RPS6KC1: variants seen among roughly 807,000 people sequenced by gnomAD.
RPS6KC1 encodes inactive ribosomal protein S6 kinase delta-1.
A neutral mutation model predicts 103.8 loss-of-function variants in RPS6KC1; 54 were observed. That is an observed-to-expected ratio of 0.52 (90% CI 0.42 to 0.65). RPS6KC1 has a LOEUF of 0.65. Among genes scored for constraint, RPS6KC1 ranks in the 30% least tolerant of loss-of-function variants. The probability of loss-of-function intolerance (pLI) is 0.00; values close to 1 mark genes in which losing one functional copy is unlikely to be tolerated. For synonymous variants in RPS6KC1, 439 were observed against 438.7 expected, an observed-to-expected ratio of 1.00 and a Z score of -0.01; for missense variants, 1,151 against 1,253.8, an observed-to-expected ratio of 0.92 and a Z score of 1.24.
chr1:213,317,792 C>T, the RPS6KC1 span, among the ~76,000 whole-genome samples: 6 of 152,322 alleles, frequency 3.9e-5, no homozygotes, highest in East Asian at 1.2e-3. Flanking sequence ...TAGAGTTGTG[C>T]CAGATGTGGT....
At chr1:213,056,024 C>T (rs950366370) in intron 1 of RPS6KC1, among the ~76,000 whole-genome samples, 3 of 152,146 alleles carry the variant, frequency 2.0e-5, no homozygotes, top group Non-Finnish European at 2.9e-5. Flanking sequence ...CCTCCTCAGC[C>T]TATTGCCTGG....
intron 10 of RPS6KC1, 152 bp from the exon 11 acceptor site, chr1:213,240,550 A>T (rs2094326941): frequency 3.1e-6 from 2 of 648,278 alleles, no homozygotes. Flanking sequence ...GCATTTTATT[A>T]AATATGCTTA....
chr1:213,754,365 CCCT>C, the RPS6KC1 span, among the ~76,000 whole-genome samples: 2 of 152,200 alleles, frequency 1.3e-5, no homozygotes, highest in African/African-American at 2.4e-5. Flanking sequence ...CTCTCAAAGG[CCCT>C]TGATATGGTT....
chr1:213,272,331 T>C (rs1177160389), intron 14 of RPS6KC1, among the ~76,000 whole-genome samples, 193 bp from the exon 15 acceptor site: 1 of 152,226 alleles, frequency 6.6e-6, no homozygotes, highest in Non-Finnish European at 1.5e-5. Context: ...TAAACTCAGT[T>C]CAGGTGTCTC....
Position 213,082,443 on chromosome 1 carries a change from A to C in RPS6KC1, c.262+4627A>C, listed in dbSNP as rs532567412. On this transcript the variant is annotated intron_variant, in intron 3 of 14. Coordinates refer to ENST00000366960, the MANE Select transcript of RPS6KC1 (RefSeq NM_012424.6). The stretch of plus-strand genomic sequence containing the variant: ...GAGACTCCATCCCAAAAAAATAAAT[A>C]ATAAAAAAAAGTAGTGATTAGTTGG... Among the ~76,000 whole-genome samples the C allele has an allele frequency of 1.1e-3, 169 of 151,218 alleles. 1 individual carries two copies. Among genetic ancestry groups the C allele is most frequent in the Admixed American group, 2.2e-3 (33 of 15,094 alleles).
chr1:213,254,163 CAT>C (rs2094593891), intron 12 of RPS6KC1, among the ~76,000 whole-genome samples: 1 of 82,768 alleles, frequency 1.2e-5, no homozygotes, highest in Non-Finnish European at 3.0e-5. Context: ...TGTGAAATAT[CAT>C]AGTTTGAATC....
chr1:213,085,698 T>C (rs2080329756), intron 3 of RPS6KC1, among the ~76,000 whole-genome samples: 1 of 152,038 alleles, frequency 6.6e-6, no homozygotes, highest in Non-Finnish European at 1.5e-5. Flanking sequence ...TTTCTCTGTG[T>C]ATCTATAGAG....
the RPS6KC1 span, among the ~76,000 whole-genome samples, chr1:213,522,593 G>C: frequency 6.6e-6 from 1 of 152,138 alleles, no homozygotes; most frequent in Non-Finnish European, 1.5e-5. Context: ...AAAATCTTTT[G>C]TTTAGTGTAG....
intron 8 of RPS6KC1, among the ~76,000 whole-genome samples, chr1:213,221,538 C>A (rs764303816): frequency 6.6e-6 from 1 of 152,126 alleles, no homozygotes; most frequent in Non-Finnish European, 1.5e-5. Flanking sequence ...GGAAAGTTAA[C>A]GTTTGATGAA....
chr1:213,856,386 A>G, the RPS6KC1 span, among the ~76,000 whole-genome samples: 1 of 152,104 alleles, frequency 6.6e-6, no homozygotes, highest in Non-Finnish European at 1.5e-5. Flanking sequence ...ATCTGTCTAT[A>G]CCACCAAATT....
chr1:213,303,566 C>A, the RPS6KC1 span, among the ~76,000 whole-genome samples: 1 of 152,056 alleles, frequency 6.6e-6, no homozygotes. Context: ...GGCTCTTCCC[C>A]AAGCACGTTC....
At chr1:213,765,393 C>T in the RPS6KC1 span, among the ~76,000 whole-genome samples, 6 of 152,216 alleles carry the variant, frequency 3.9e-5, no homozygotes, top group South Asian at 4.1e-4. Flanking sequence ...AGGTTGTGAC[C>T]TCTCCCACCT....
At chr1:213,363,604 C>CGCTTGCTTGCTT in the RPS6KC1 span, among the ~76,000 whole-genome samples, 441 of 84,868 alleles carry the variant, frequency 5.2e-3, 12 homozygotes, top group Middle Eastern at 6.0e-3. Flanking sequence ...CTTGCTCGCT[C>CGCTTGCTTGCTT]GCTTGCTTGC....
the RPS6KC1 span, among the ~76,000 whole-genome samples, chr1:213,361,227 CT>C: frequency 3.9e-5 from 6 of 152,380 alleles, no homozygotes; most frequent in Non-Finnish European, 8.8e-5. Flanking sequence ...TTCCCTGCCA[CT>C]TTGTTTACCT....
chr1:213,363,815 T>TTCTC, the RPS6KC1 span, among the ~76,000 whole-genome samples: 3,219 of 69,296 alleles, frequency 0.046, 533 homozygotes, highest in African/African-American at 0.13. Context: ...TCTTTCTTTC[T>TTCTC]TCTCTCTTTT....
intron 4 of RPS6KC1, among the ~76,000 whole-genome samples, chr1:213,114,422 G>C (rs2083356751): frequency 7.0e-6 from 1 of 143,626 alleles, no homozygotes; most frequent in South Asian, 2.3e-4. Context: ...CTGAGACTTT[G>C]CTGAAGTTGC....
At chr1:213,631,426 T>G in the RPS6KC1 span, among the ~76,000 whole-genome samples, 1 of 151,958 alleles carries the variant, frequency 6.6e-6, no homozygotes, top group Non-Finnish European at 1.5e-5. Context: ...CAGGGTGTAT[T>G]GTATTCTAGT....
chr1:213,726,706 C>G, the RPS6KC1 span, among the ~76,000 whole-genome samples: 1 of 152,136 alleles, frequency 6.6e-6, no homozygotes, highest in Admixed American at 6.5e-5. Context: ...ATGTATCTAC[C>G]TAAGCTGAGA....
Position 213,218,273 on chromosome 1 carries a change from G to C in RPS6KC1, c.1045-12224G>C, listed in dbSNP as rs1279093124. ...CATGAGTGAACTCCCATTCACAATT[G>C]CTTCAAAGAGATTAAAATACCTAGG... On this transcript the variant is annotated intron_variant, in intron 8 of 14. Transcript: ENST00000366960. Among the ~76,000 whole-genome samples the C allele has an allele frequency of 2.6e-5, 4 of 152,084 alleles. No homozygotes were observed. The East Asian group carries it at 7.7e-4, about 29-fold the overall frequency.
Sources: gnomAD v4.1 joint callset for allele counts (sites outside exome capture counted in the v4.1 genomes callset) on GRCh38, gnomAD v4.1.1 for gene constraint, MANE v1.5 for transcripts, NCBI Gene and HGNC (gene_info 2026-07-23, HGNC 2026-07-21) for gene names.